PPP4R1: variants seen among roughly 807,000 people sequenced by gnomAD.
PPP4R1 encodes the protein serine/threonine-protein phosphatase 4 regulatory subunit 1.
PPP4R1 carries 42 observed loss-of-function variants against 111.2 expected under a neutral mutation model. That is an observed-to-expected ratio of 0.38 (90% CI 0.29 to 0.49). The LOEUF (loss-of-function observed/expected upper bound fraction) is 0.49, where lower values mean the gene tolerates loss of function less well. PPP4R1 is among the 20% of genes least tolerant of loss of function. The pLI is 0.97. For synonymous variants in PPP4R1, 409 were observed against 405.5 expected (o/e 1.01, Z -0.10); for missense variants, 1,012 against 1,161.6 (o/e 0.87, Z 1.87).
intron 10 of PPP4R1, among the ~76,000 whole-genome samples, chr18:9,576,330 TA>T (rs2066935019): frequency 6.6e-6 from 1 of 152,206 alleles, no homozygotes; most frequent in South Asian, 2.1e-4. Flanking sequence ...TGCATAACTG[TA>T]AAAGTTTGTG....
At chr18:9,568,847 C>T (rs893399822) in intron 11 of PPP4R1, among the ~76,000 whole-genome samples, 9 of 152,080 alleles carry the variant, frequency 5.9e-5, no homozygotes, top group African/African-American at 2.2e-4. Context: ...ATCAGCCTGG[C>T]CAATATGGTG....
At chr18:9,556,984 A>G (rs1299930443) in intron 15 of PPP4R1, 2 of 330,690 alleles carry the variant, frequency 6.0e-6, no homozygotes, top group Non-Finnish European at 5.4e-6. Flanking sequence ...ATTTCACTCA[A>G]TAATTTTGAA....
intron 2 of PPP4R1, among the ~76,000 whole-genome samples, chr18:9,606,735 G>A (rs1365461561): frequency 6.6e-6 from 1 of 151,810 alleles, no homozygotes; most frequent in African/African-American, 2.4e-5. Context: ...ATATAATACA[G>A]TAGTGGCATG....
intron 15 of PPP4R1, among the ~76,000 whole-genome samples, chr18:9,555,952 C>G (rs181336003): frequency 8.1e-4 from 122 of 150,142 alleles, no homozygotes; most frequent in South Asian, 7.3e-3. Context: ...CTGGCCAACA[C>G]GGTGAAACCC....
Position 9,563,495 on chromosome 18 carries a change from T to C in PPP4R1, c.1629A>G (p.Glu543=). 6.2e-7 allele frequency: 1 copy of C among 1,608,122 alleles called. No individual in the cohort carries two copies. Among genetic ancestry groups the C allele is most frequent in the Non-Finnish European group, 8.5e-7 (1 of 1,175,106 alleles). ...ALRASSLDAH[E]ETISIEKRSD... is the part of the protein sequence containing the mutation. ...TTCTCTTTTCTATACTGATGGTCTC[T>C]TCATGTGCATCCAGGCTGGAAGCAC... Residue 543 remains glutamate (E), a synonymous_variant, in exon 12 of 20, where the codon GAA becomes GAG. Transcript: ENST00000400556.
intron 12 of PPP4R1, 26 bp downstream of exon 12, chr18:9,563,352 G>A: frequency 6.4e-7 from 1 of 1,574,500 alleles, no homozygotes; most frequent in Non-Finnish European, 8.7e-7. Context: ...ACTCTCATTT[G>A]GTAAACACTT....
intron 16 of PPP4R1, among the ~76,000 whole-genome samples, chr18:9,552,288 T>C (rs1162535176): frequency 6.6e-6 from 1 of 152,208 alleles, no homozygotes; most frequent in African/African-American, 2.4e-5. Flanking sequence ...GACAGGCTTA[T>C]GGAAAAGTGT....
chr18:9,550,679 T>C (rs1385674633), intron 16 of PPP4R1: 1 of 344,162 alleles, frequency 2.9e-6, no homozygotes, highest in East Asian at 6.9e-5. Flanking sequence ...CACTTCCTAG[T>C]ATGTTCAACT....
chr18:9,598,895 G>A (rs1051161144), intron 2 of PPP4R1, among the ~76,000 whole-genome samples: 10 of 151,944 alleles, frequency 6.6e-5, no homozygotes, highest in Admixed American at 1.3e-4. Context: ...GCATGGTGGC[G>A]TGCACCTGCA....
chr18:9,588,364 T>A (rs1375411136), intron 5 of PPP4R1, 129 bp from the exon 6 acceptor site: 2 of 1,006,888 alleles, frequency 2.0e-6, no homozygotes, highest in African/African-American at 3.3e-5. Context: ...CAAATAAATA[T>A]TTGTGTTTAT....
At chr18:9,563,087 G>C in intron 12 of PPP4R1, 1 of 1,086,060 alleles carries the variant, frequency 9.2e-7, no homozygotes, top group Non-Finnish European at 1.1e-6. Flanking sequence ...TCTTGATAAA[G>C]GGCTTTGTTT....
intron 2 of PPP4R1, among the ~76,000 whole-genome samples, chr18:9,611,801 CG>C (rs1428226368): frequency 1.3e-5 from 2 of 151,964 alleles, no homozygotes; most frequent in Non-Finnish European, 2.9e-5. Context: ...CACCTGAGGT[CG>C]GGAGTTCGAG....
chr18:9,563,429 A>C lies in PPP4R1; in HGVS notation c.1695T>G (p.Asn565Lys). 6.2e-7 allele frequency: 1 copy of C among 1,612,894 alleles called. No individual in the cohort carries two copies. Among genetic ancestry groups the C allele is most frequent in the Non-Finnish European group, 8.5e-7 (1 of 1,179,254 alleles). Residue 565 changes from asparagine (N) to lysine (K), a missense_variant, in exon 12 of 20, where the codon AAT becomes AAG. By Grantham distance (94) the Asn-to-Lys change is moderately conservative. This residue lies in a region of PPP4R1 where 707 missense variants were observed against 742.1 expected (regional missense o/e 0.95). Transcript: ENST00000400556. ...QDELDINELP[N>K]CKINQEDSVP... ...CAGAATCTTCTTGATTTATTTTACA[A>C]TTTGGTAGCTCATTTATATCCAGTT...
At chr18:9,562,369 T>C (rs1424783441) in intron 12 of PPP4R1, among the ~76,000 whole-genome samples, 2 of 152,170 alleles carry the variant, frequency 1.3e-5, no homozygotes, top group Non-Finnish European at 2.9e-5. Flanking sequence ...ATTTATGAAA[T>C]AGTACTGAGA....
rs1445025577 is a variant in PPP4R1 at position 9,549,183 on chromosome 18, G to C, written c.2689+14C>G. 4 of 1,608,182 alleles carry C rather than the reference G, an allele frequency of 2.5e-6. No individual in the cohort carries two copies. In the Admixed American group the frequency reaches 6.7e-5, roughly 27 times the overall value. ...CTCTACTCACACGCTTCTTCTAGTG[G>C]AGTCACTACCTACCTTTTTCTAGTA... On this transcript the variant is annotated intron_variant, in intron 19 of 19. Transcript: ENST00000400556.
chr18:9,564,075 A>C (rs529127818), intron 11 of PPP4R1, among the ~76,000 whole-genome samples: 1 of 152,316 alleles, frequency 6.6e-6, no homozygotes, highest in Middle Eastern at 3.4e-3. Context: ...ATCTTCTCCC[A>C]AACACAATAA....
At chr18:9,599,022 T>A (rs1377984399) in intron 2 of PPP4R1, among the ~76,000 whole-genome samples, 1 of 150,856 alleles carries the variant, frequency 6.6e-6, no homozygotes, top group Non-Finnish European at 1.5e-5. Context: ...CAAGACCCTG[T>A]CTCCAGAAAA....
intron 16 of PPP4R1, 136 bp from the exon 17 acceptor site, chr18:9,550,534 C>T (rs1327387852): frequency 1.0e-6 from 1 of 963,604 alleles, no homozygotes. Context: ...AGTGATTAAG[C>T]AGACCTCTCC....
intron 16 of PPP4R1, among the ~76,000 whole-genome samples, chr18:9,552,682 T>G (rs2066508301): frequency 6.6e-6 from 1 of 152,132 alleles, no homozygotes; most frequent in Non-Finnish European, 1.5e-5. Context: ...GAAAACAGAT[T>G]TCAAATATTA....
Sources: allele counts gnomAD v4.1 joint callset (sites outside exome capture counted in the v4.1 genomes callset), GRCh38; gene constraint gnomAD v4.1.1; regional missense constraint gnomAD v4.1.1; transcripts MANE v1.5; gene names NCBI Gene and HGNC (gene_info 2026-07-23, HGNC 2026-07-21).